Variants in AFF3 observed in about 807,000 individuals in gnomAD.
The protein encoded by AFF3 is AF4/FMR2 family member 3.
In AFF3, 32 loss-of-function variants were observed where a neutral mutation model predicts 129.7. That is an observed-to-expected ratio of 0.25 (90% CI 0.19 to 0.33). The LOEUF is 0.33. Ranked by LOEUF, AFF3 falls within the 10% of genes least tolerant of loss-of-function variation. The pLI, the probability that AFF3 is intolerant of heterozygous loss-of-function variation, is 1.00. For missense variants in AFF3, 1,373 were observed against 1,592.0 expected (o/e 0.86, Z 2.34); for synonymous variants, 644 against 635.4 (o/e 1.01, Z -0.20).
At chr2:99,914,346 T>A (rs190984431) in intron 7 of AFF3, among the ~76,000 whole-genome samples, 20 of 152,242 alleles carry the variant, frequency 1.3e-4, no homozygotes, top group African/African-American at 4.6e-4. Flanking sequence ...TTCAAAAATG[T>A]AAAGTTTGTA....
chr2:99,935,487 TACCATGA>T (rs1352405716), intron 7 of AFF3, among the ~76,000 whole-genome samples: 2 of 152,222 alleles, frequency 1.3e-5, no homozygotes, highest in Non-Finnish European at 2.9e-5. Flanking sequence ...AAGAACAAAG[TACCATGA>T]ACCTTACTGA....
chr2:99,602,165 G>A (rs868141312), intron 13 of AFF3, among the ~76,000 whole-genome samples: 7 of 152,192 alleles, frequency 4.6e-5, no homozygotes, highest in South Asian at 2.1e-4. Flanking sequence ...CGAAGGGACT[G>A]TCCAAGTTCA....
intron 7 of AFF3, among the ~76,000 whole-genome samples, chr2:99,935,020 G>C (rs1415703142): frequency 6.6e-6 from 1 of 152,218 alleles, no homozygotes; most frequent in East Asian, 1.9e-4. Flanking sequence ...TTCTCAAAAA[G>C]TTTTGAATTC....
At chr2:99,653,879 C>CTT (rs1460963714) in intron 12 of AFF3, among the ~76,000 whole-genome samples, 1 of 31,754 alleles carries the variant, frequency 3.1e-5, no homozygotes, top group African/African-American at 1.3e-4. Context: ...TGCTTTTTTT[C>CTT]TTTTTTTTTT....
intron 24 of AFF3, among the ~76,000 whole-genome samples, chr2:99,553,316 T>A (rs185545935): frequency 6.6e-6 from 1 of 152,312 alleles, no homozygotes; most frequent in Admixed American, 6.5e-5. Context: ...GGGCTGCATG[T>A]TATGTACTAT....
At chr2:99,884,253 A>T (rs1335331788) in intron 7 of AFF3, among the ~76,000 whole-genome samples, 2 of 152,238 alleles carry the variant, frequency 1.3e-5, no homozygotes, top group Non-Finnish European at 2.9e-5. Context: ...ATAGATTTAT[A>T]CATTATGGAA....
intron 4 of AFF3, among the ~76,000 whole-genome samples, chr2:100,103,050 T>C (rs539589319): frequency 0.025 from 3,840 of 151,722 alleles, 154 homozygotes; most frequent in African/African-American, 0.087. Context: ...ACCAACATTA[T>C]GCAGAGCAAG....
At chr2:99,845,082 C>A (rs924703130) in intron 7 of AFF3, among the ~76,000 whole-genome samples, 4 of 152,092 alleles carry the variant, frequency 2.6e-5, no homozygotes, top group Non-Finnish European at 5.9e-5. Flanking sequence ...AGCAAACCAC[C>A]AATGTTCTAA....
intron 7 of AFF3, among the ~76,000 whole-genome samples, chr2:99,924,084 C>T (rs1010881585): frequency 6.6e-6 from 1 of 152,056 alleles, no homozygotes; most frequent in African/African-American, 2.4e-5. Flanking sequence ...AGACATTTCT[C>T]CAACTTAAGC....
intron 13 of AFF3, among the ~76,000 whole-genome samples, chr2:99,647,073 A>G (rs902839198): frequency 6.6e-6 from 1 of 152,238 alleles, no homozygotes; most frequent in African/African-American, 2.4e-5. Context: ...TAGTTCAGTC[A>G]TTGTGGAAGA....
intron 11 of AFF3, among the ~76,000 whole-genome samples, chr2:99,713,564 AT>A (rs1678107298): frequency 6.6e-6 from 1 of 150,922 alleles, no homozygotes; most frequent in Admixed American, 6.6e-5. Context: ...ATTTTAAAAA[AT>A]TAAATTAAAA....
At chr2:99,672,464 C>T in intron 12 of AFF3, 74 bp downstream of exon 12, 2 of 1,456,978 alleles carry the variant, frequency 1.4e-6, no homozygotes, top group Admixed American at 1.7e-5. Context: ...GCTTGGTTAA[C>T]ACCCGGCACA....
At chr2:99,668,321 A>G (rs1686860288) in intron 12 of AFF3, among the ~76,000 whole-genome samples, 1 of 151,762 alleles carries the variant, frequency 6.6e-6, no homozygotes, top group Admixed American at 6.6e-5. Flanking sequence ...ACACGTGCAC[A>G]CCACTATGCC....
rs1220678024 is a variant in AFF3, at chr2:99,947,631, GATA to G, written c.873+58998_873+59000del. On this transcript the variant is annotated intron_variant, in intron 7 of 24. Transcript: ENST00000672756. ...AGATAGATAGATAGATAGATAGATA[GATA>G]GATAGATAGATAGATAGATAGACAG... Among the ~76,000 whole-genome samples, 27 of 151,534 alleles carry G rather than the reference GATA, an allele frequency of 1.8e-4. 1 individual carries two copies. The highest frequency in any genetic ancestry group is 6.6e-4 in the African/African-American group (27 of 41,168).
chr2:100,138,718 G>A (rs191815029), intron 1 of AFF3, among the ~76,000 whole-genome samples: 41 of 152,140 alleles, frequency 2.7e-4, no homozygotes, highest in African/African-American at 8.7e-4. Context: ...CCAACGGGGG[G>A]CGCATCACCT....
chr2:99,684,210 T>C (rs533352178), intron 11 of AFF3, among the ~76,000 whole-genome samples: 2 of 152,352 alleles, frequency 1.3e-5, no homozygotes, highest in East Asian at 3.9e-4. Context: ...AAAAGCCATC[T>C]GCCTCCTTGT....
In AFF3 at chr2:99,592,941, C is replaced by T. The variant is rs199567173; in HGVS notation, c.2466+254G>A. ...ACAGAGTGAGACTCCCTCCCCCCCC[C>T]CCAAAAAAAGGGATAATAATGGTAC... On this transcript the variant is annotated intron_variant, in intron 15 of 24. Transcript: ENST00000672756. Among the ~76,000 whole-genome samples, 25 of 93,658 alleles carry T rather than the reference C, an allele frequency of 2.7e-4. No homozygotes were observed. The East Asian group carries it at 0.011, about 41-fold the overall frequency. The allele number at this position is 93,658 out of a possible 152,430, so 61.4% of individuals were successfully genotyped here. A position where few individuals can be genotyped will look rare whatever the true frequency, so the allele number is the denominator to read the frequency against.
chr2:99,760,768 G>A (rs965102057), intron 8 of AFF3, among the ~76,000 whole-genome samples: 4 of 152,068 alleles, frequency 2.6e-5, no homozygotes, highest in South Asian at 2.1e-4. Context: ...TCTAGCTGGC[G>A]ACCTTCGGAT....
intron 14 of AFF3, among the ~76,000 whole-genome samples, chr2:99,596,981 T>G (rs1383040028): frequency 6.6e-6 from 1 of 152,188 alleles, no homozygotes; most frequent in Non-Finnish European, 1.5e-5. Context: ...GCGTCCATTA[T>G]CTCGTAATCA....
Sources: gnomAD v4.1 joint callset for allele counts (sites outside exome capture counted in the v4.1 genomes callset) on GRCh38, gnomAD v4.1.1 for gene constraint, MANE v1.5 for transcripts, NCBI Gene and HGNC (gene_info 2026-07-23, HGNC 2026-07-21) for gene names.